ARHGEF40: variants seen among roughly 807,000 people sequenced by gnomAD.
ARHGEF40 encodes Rho guanine nucleotide exchange factor (GEF) 40.
Under a neutral mutation model 165.9 loss-of-function variants are expected in ARHGEF40, and 98 were observed. That is an observed-to-expected ratio of 0.59 (90% CI 0.50 to 0.70). ARHGEF40 has a LOEUF of 0.70. Among genes scored for constraint, ARHGEF40 ranks in the 30% least tolerant of loss-of-function variants. The probability of loss-of-function intolerance (pLI) is 0.00; values close to 1 mark genes in which losing one functional copy is unlikely to be tolerated. For synonymous variants in ARHGEF40, 792 were observed against 814.3 expected (o/e 0.97, Z 0.47); for missense variants, 1,815 against 1,968.0 (o/e 0.92, Z 1.47).
chr14:21,065,459 A>C (rs762386378), upstream of ARHGEF40, among the ~76,000 whole-genome samples: 4 of 152,218 alleles, frequency 2.6e-5, no homozygotes, highest in Non-Finnish European at 5.9e-5. Context: ...GCAGTGACAA[A>C]ATAGACAAGG....
Position 21,076,592 on chromosome 14 carries a change from G to A in ARHGEF40, c.1866G>A (p.Arg622=). The stretch of plus-strand genomic sequence containing the variant: ...CAGGAGATCCTCCCCTTGTTCAGCG[G>A]CTGCTGATTCTCATTCATGATGACC... ...QDSGDPPLVQ[R]LLILIHDDLP... is the part of the protein sequence containing the mutation. The change falls in exon 7 of 24, where the codon CGG becomes CGA. Residue 622 remains arginine, a synonymous_variant. Coordinates refer to ENST00000298694, the MANE Select transcript of ARHGEF40 (RefSeq NM_018071.5). 10 of 1,614,188 alleles carry A rather than the reference G, an allele frequency of 6.2e-6. No homozygotes were observed. Among genetic ancestry groups the A allele is most frequent in the Non-Finnish European group, 8.5e-6 (10 of 1,180,034 alleles).
In ARHGEF40 at chr14:21,081,604, A is replaced by G. The variant is rs765280098; in HGVS notation, c.2736A>G (p.Pro912=). The G allele has an allele frequency of 2.5e-6, 4 of 1,611,218 alleles. No individual in the cohort carries two copies. In the Admixed American group the frequency reaches 5.0e-5, roughly 20 times the overall value. ...CTGCACTGGCCCTGCGGCGGGCCCC[A>G]GAGCCCAGTGCCGGCACCTTCCAGG... is the stretch of plus-strand genomic sequence containing the variant. ...VLAALALRRA[P]EPSAGTFQEM... is the part of the protein sequence containing the mutation. The change falls in exon 14 of 24, where the codon CCA becomes CCG. Residue 912 remains proline (P), a synonymous_variant. Transcript: ENST00000298694.
chr14:21,085,008 A>G, intron 18 of ARHGEF40, 85 bp downstream of exon 18: 1 of 1,511,508 alleles, frequency 6.6e-7, no homozygotes, highest in Admixed American at 2.0e-5. Flanking sequence ...TTCAGCCCCA[A>G]CAGAGGTTCA....
intron 16 of ARHGEF40, among the ~76,000 whole-genome samples, chr14:21,083,209 A>G (rs929329218): frequency 6.6e-6 from 1 of 152,170 alleles, no homozygotes. Flanking sequence ...TCTAAGCATC[A>G]GAAGAGCTCA....
chr14:21,080,793 G>A lies in ARHGEF40; in HGVS notation c.2496+11G>A. ...AGCGCTGAGGTCCAGGTGAGAAGGG[G>A]CTGGAGGGCAGGTGAGAGGAGGCAG... On this transcript the variant is annotated intron_variant, in intron 12 of 23. Coordinates refer to ENST00000298694, the MANE Select transcript of ARHGEF40 (RefSeq NM_018071.5). 2 of 1,604,712 alleles carry A rather than the reference G, an allele frequency of 1.2e-6. No homozygotes were observed. The highest frequency in any genetic ancestry group is 8.5e-7 in the Non-Finnish European group (1 of 1,174,064).
At chr14:21,063,917 T>G in the ARHGEF40 span, among the ~76,000 whole-genome samples, 4 of 152,196 alleles carry the variant, frequency 2.6e-5, no homozygotes, top group African/African-American at 7.2e-5. Flanking sequence ...CTCTAAGTAT[T>G]CAAAACTCCC....
At position 21,080,796 on chromosome 14, in the gene ARHGEF40, G is replaced by T; in HGVS notation, c.2496+14G>T. 6.2e-7 allele frequency: 1 copy of T among 1,604,324 alleles called. No individual in the cohort carries two copies. Among genetic ancestry groups the T allele is most frequent in the Non-Finnish European group, 8.5e-7 (1 of 1,173,760 alleles). On this transcript the variant is annotated intron_variant, in intron 12 of 23. Transcript: ENST00000298694. ...GCTGAGGTCCAGGTGAGAAGGGGCT[G>T]GAGGGCAGGTGAGAGGAGGCAGGGG...
intron 10 of ARHGEF40, 63 bp downstream of exon 10, chr14:21,078,551 C>T: frequency 1.4e-6 from 2 of 1,466,766 alleles, no homozygotes; most frequent in Non-Finnish European, 1.8e-6. Context: ...CTGAAGGCTG[C>T]CAACAAACCT....
Position 21,072,233 on chromosome 14 carries a change from C to G in ARHGEF40, c.4-812C>G, listed in dbSNP as rs1004356621. Among the ~76,000 whole-genome samples, 22 of 152,070 alleles carry G rather than the reference C, an allele frequency of 1.4e-4. No homozygotes were observed. Among genetic ancestry groups the G allele is most frequent in the African/African-American group, 4.6e-4 (19 of 41,398 alleles). Reference sequence around the variant, plus strand: ...AGCAGGGCTGAGTCTTTTTGAGACTCCTAGTGGAGGTTGGCAGAGAGAGGT... The same window carrying G: ...AGCAGGGCTGAGTCTTTTTGAGACTGCTAGTGGAGGTTGGCAGAGAGAGGT... On this transcript the variant is annotated intron_variant, in intron 1 of 23. Transcript: ENST00000298694. The surrounding 1 kb of genome is among the most constrained non-coding windows in gnomAD (Gnocchi z 4.1).
rs772329478 is a variant in ARHGEF40 at position 21,081,036 on chromosome 14, C to T, written c.2640+20C>T. The T allele has an allele frequency of 3.1e-6, 5 of 1,600,898 alleles. No homozygotes were observed. Among genetic ancestry groups the T allele is most frequent in the South Asian group, 2.2e-5 (2 of 89,712 alleles). On this transcript the variant is annotated intron_variant, in intron 13 of 23. Coordinates refer to ENST00000298694, the MANE Select transcript of ARHGEF40 (RefSeq NM_018071.5). ...CAGCAGGTGCATGCAGAGCCTTTTC[C>T]TTCTGTGCCCCCCCATTTCCATTTA...
In ARHGEF40 at chr14:21,083,323, C is replaced by T. The variant is rs555621097; in HGVS notation, c.3573+406C>T. Among the ~76,000 whole-genome samples the T allele has an allele frequency of 1.1e-4, 17 of 151,292 alleles. 1 individual carries two copies. The South Asian group carries it at 3.4e-3, about 30-fold the overall frequency. On this transcript the variant is annotated intron_variant, in intron 16 of 23. Coordinates refer to ENST00000298694, the MANE Select transcript of ARHGEF40 (RefSeq NM_018071.5). Reference sequence around the variant, plus strand: ...TTGGGAGGCCGAGGCGGGTGGATCACGAGGTCAGGAGATTGAGACTATCTG... The same window carrying T: ...TTGGGAGGCCGAGGCGGGTGGATCATGAGGTCAGGAGATTGAGACTATCTG...
chr14:21,070,523 C>T lies in ARHGEF40; in HGVS notation c.3+124C>T. ...GACTGTTCGGCCCCTCTGGGACTCT[C>T]CTCCCTCCCATCCCCCCTTCTTCGA... On this transcript the variant is annotated intron_variant, in intron 1 of 23. Transcript: ENST00000298694. The surrounding 1 kb of genome is among the most constrained non-coding windows in gnomAD (Gnocchi z 4.7). 3 of 1,181,350 alleles carry T rather than the reference C, an allele frequency of 2.5e-6. No homozygotes were observed. The highest frequency in any genetic ancestry group is 3.4e-6 in the Non-Finnish European group (3 of 883,586). The allele number at this position is 1,181,350 out of a possible 1,614,324, so 73.2% of individuals were successfully genotyped here.
chr14:21,076,879 G>C lies in ARHGEF40; in HGVS notation c.2023G>C (p.Glu675Gln). Residue 675 changes from glutamate to glutamine, a missense_variant, in exon 8 of 24, where the codon GAG becomes CAG. Glu to Gln is a conservative substitution (Grantham distance 29). Coordinates refer to ENST00000298694, the MANE Select transcript of ARHGEF40 (RefSeq NM_018071.5). The part of the protein sequence containing the change: ...HRDPSPSHWV[E>Q]IHQEVVRLCR... ...GGACCCCTCTCCCAGTCACTGGGTA[G>C]AGATACACCAGGTAAGCTTCCCCTC... 5 of 1,612,702 alleles carry C rather than the reference G, an allele frequency of 3.1e-6. No homozygotes were observed. The highest frequency in any genetic ancestry group is 4.2e-6 in the Non-Finnish European group (5 of 1,179,496).
Position 21,076,447 on chromosome 14 carries a change from C to G in ARHGEF40, c.1827C>G (p.Ser609Arg), listed in dbSNP as rs760501958. The change falls in exon 6 of 24, where the codon AGC becomes AGG. Residue 609 changes from serine (S) to arginine (R), a missense_variant. Coordinates refer to ENST00000298694, the MANE Select transcript of ARHGEF40 (RefSeq NM_018071.5). ...PLPPALIPAL[S>R]QLQDSGDPPL... ...CTCCAGCACTCATTCCTGCCTTGAG[C>G]CAACTTCAGGTAACCACCCCTCAAA... 1 of 1,613,866 alleles carries G rather than the reference C, an allele frequency of 6.2e-7. No homozygotes were observed. The highest frequency in any genetic ancestry group is 1.3e-5 in the African/African-American group (1 of 74,940).
In ARHGEF40 at chr14:21,088,052, G is replaced by T. The variant is rs754811086; in HGVS notation, c.4472G>T (p.Ser1491Ile). 16 of 1,613,708 alleles carry T rather than the reference G, an allele frequency of 9.9e-6. No individual in the cohort carries two copies. The highest frequency in any genetic ancestry group is 3.3e-4 in the Middle Eastern group (2 of 6,084). ...CTGCAACCCCCCCACCCTGGGAGCA[G>T]CACTCCCACCCTGGCCAGTCGAGGG... ...PSLQPPHPGS[S>I]TPTLASRGIL... Residue 1491 changes from serine (S) to isoleucine (I), a missense_variant, in exon 22 of 24, where the codon AGC becomes ATC. Coordinates refer to ENST00000298694, the MANE Select transcript of ARHGEF40 (RefSeq NM_018071.5).
intron 16 of ARHGEF40, 47 bp from the exon 17 acceptor site, chr14:21,083,788 C>T: frequency 1.9e-6 from 3 of 1,571,772 alleles, no homozygotes; most frequent in Non-Finnish European, 2.6e-6. Flanking sequence ...GCTTGGCCCC[C>T]AGAGGCTCCA....
chr14:21,088,578 C>T (rs1017990626), intron 22 of ARHGEF40, among the ~76,000 whole-genome samples: 4 of 151,774 alleles, frequency 2.6e-5, no homozygotes, highest in Non-Finnish European at 4.4e-5. Flanking sequence ...CCCAGCTACT[C>T]GAGAGGCTGA....
intron 8 of ARHGEF40, 84 bp downstream of exon 8, chr14:21,076,974 G>A (rs1887479053): frequency 8.4e-7 from 1 of 1,194,730 alleles, no homozygotes; most frequent in Non-Finnish European, 1.2e-6. Flanking sequence ...CCATGTCCAG[G>A]ACATACCATG....
rs1242656053 is a variant in ARHGEF40, at chr14:21,074,142, A to C, written c.412A>C (p.Asn138His). 1.2e-6 allele frequency: 2 copies of C among 1,613,968 alleles called. No homozygotes were observed. Among genetic ancestry groups the C allele is most frequent in the Non-Finnish European group, 1.7e-6 (2 of 1,180,022 alleles). ...GCGGGTGCAGGAGGTTCCTGTGCCC[A>C]ATGAGGCTTGTGCCTACCTATTCAC... ...GGRVQEVPVPNEACAYLFTPE... is the reference protein window; with the variant it reads ...GGRVQEVPVPHEACAYLFTPE... The change falls in exon 3 of 24, where the codon AAT becomes CAT. Residue 138 changes from asparagine to histidine, a missense_variant. By Grantham distance (68) the Asn-to-His change is moderately conservative. Coordinates refer to ENST00000298694, the MANE Select transcript of ARHGEF40 (RefSeq NM_018071.5). The surrounding 1 kb of genome is among the most constrained non-coding windows in gnomAD (Gnocchi z 4.8).
Sources: allele counts gnomAD v4.1 joint callset (sites outside exome capture counted in the v4.1 genomes callset), GRCh38; gene constraint gnomAD v4.1.1; non-coding constraint Gnocchi (gnomAD v3.1); transcripts MANE v1.5; gene names NCBI Gene and HGNC (gene_info 2026-07-23, HGNC 2026-07-21).